The following INPP4B variants were observed in gnomAD, a reference collection of about 807,000 sequenced individuals.
INPP4B encodes inositol polyphosphate 4-phosphatase type II.
Under a neutral mutation model 122.5 loss-of-function variants are expected in INPP4B, and 55 were observed. That is an observed-to-expected ratio of 0.45 (90% CI 0.36 to 0.56). The LOEUF (loss-of-function observed/expected upper bound fraction) is 0.56. Ranked by LOEUF, INPP4B falls within the 20% of genes least tolerant of loss-of-function variation. The probability of loss-of-function intolerance (pLI) is 0.00; values close to 1 mark genes in which losing one functional copy is unlikely to be tolerated. For missense variants in INPP4B, 1,000 were observed against 1,097.7 expected, an observed-to-expected ratio of 0.91 and a Z score of 1.26; for synonymous variants, 403 against 388.7, an observed-to-expected ratio of 1.04 and a Z score of -0.43.
chr4:142,656,561 T>C lies in INPP4B; in HGVS notation c.-191+69278A>G, dbSNP rs139027337. 5.3e-4 allele frequency among the ~76,000 whole-genome samples: 80 copies of C among 152,250 alleles called. 2 individuals carry two copies. The highest frequency in any genetic ancestry group is 1.6e-3 in the African/African-American group (67 of 41,576). ...CCTGCTTTGCTGGGGCTAGGATGCA[T>C]GGCCTAAGGATCCCGCACAGCTGGC... On this transcript the variant is annotated intron_variant, in intron 2 of 25. Transcript: ENST00000262992.
intron 1 of INPP4B, among the ~76,000 whole-genome samples, chr4:142,843,127 T>A (rs1783764349): frequency 6.7e-6 from 1 of 149,822 alleles, no homozygotes; most frequent in African/African-American, 2.5e-5. Context: ...TATCTTAATG[T>A]CTTTTCTAGG....
At chr4:142,351,217 A>C (rs1781828249) in intron 7 of INPP4B, among the ~76,000 whole-genome samples, 1 of 151,964 alleles carries the variant, frequency 6.6e-6, no homozygotes, top group Non-Finnish European at 1.5e-5. Flanking sequence ...CATTAGTGGG[A>C]TAAATTTCAG....
chr4:142,593,277 A>C (rs1723254745), intron 2 of INPP4B, among the ~76,000 whole-genome samples: 1 of 152,052 alleles, frequency 6.6e-6, no homozygotes, highest in Admixed American at 6.6e-5. Context: ...GGAGATTAGA[A>C]GGGATTATTT....
At chr4:142,242,933 T>C (rs1442877828) in intron 11 of INPP4B, among the ~76,000 whole-genome samples, 1 of 152,142 alleles carries the variant, frequency 6.6e-6, no homozygotes, top group Admixed American at 6.5e-5. Flanking sequence ...CTTTTTTTCC[T>C]CCTGCACTTA....
chr4:142,073,530 G>A (rs1768771168), intron 25 of INPP4B, among the ~76,000 whole-genome samples: 1 of 152,034 alleles, frequency 6.6e-6, no homozygotes. Context: ...TTATGACAGT[G>A]TTTACCTGAG....
At chr4:142,653,336 C>G (rs1284811971) in intron 2 of INPP4B, among the ~76,000 whole-genome samples, 1 of 152,150 alleles carries the variant, frequency 6.6e-6, no homozygotes, top group African/African-American at 2.4e-5. Context: ...GACTAAGACA[C>G]CAAAAGCAAT....
intron 2 of INPP4B, among the ~76,000 whole-genome samples, chr4:142,512,833 TA>T (rs1277023885): frequency 1.3e-5 from 2 of 152,152 alleles, no homozygotes; most frequent in Non-Finnish European, 2.9e-5. Context: ...ATTTTCCTTG[TA>T]AAAGTAATTT....
chr4:142,721,212 G>C (rs13108947), intron 2 of INPP4B, among the ~76,000 whole-genome samples: 1 of 151,812 alleles, frequency 6.6e-6, no homozygotes, highest in Admixed American at 6.6e-5. Flanking sequence ...ATTCCCAAAG[G>C]CTTCTCCCCA....
intron 2 of INPP4B, among the ~76,000 whole-genome samples, chr4:142,619,763 T>A (rs1372663257): frequency 6.6e-6 from 1 of 151,974 alleles, no homozygotes; most frequent in Non-Finnish European, 1.5e-5. Flanking sequence ...TCATGTTAAG[T>A]GTTATTACCA....
chr4:142,085,787 T>C (rs1405818405), intron 24 of INPP4B, among the ~76,000 whole-genome samples: 2 of 152,234 alleles, frequency 1.3e-5, no homozygotes, highest in Non-Finnish European at 2.9e-5. Context: ...AACCACATTC[T>C]GTTGAAACCA....
chr4:142,039,170 G>A (rs879426235), intron 25 of INPP4B, among the ~76,000 whole-genome samples: 9 of 152,060 alleles, frequency 5.9e-5, no homozygotes, highest in Non-Finnish European at 8.8e-5. Flanking sequence ...CTCCAGAGAT[G>A]CATATTTTTT....
At chr4:142,649,994 C>T (rs536365802) in intron 2 of INPP4B, among the ~76,000 whole-genome samples, 1 of 152,180 alleles carries the variant, frequency 6.6e-6, no homozygotes, top group Non-Finnish European at 1.5e-5. Flanking sequence ...CAAAGGGAAG[C>T]CCATCAGACA....
intron 2 of INPP4B, among the ~76,000 whole-genome samples, chr4:142,545,489 A>G (rs1829439961): frequency 6.6e-6 from 1 of 152,082 alleles, no homozygotes; most frequent in African/African-American, 2.4e-5. Flanking sequence ...TATCTATGAT[A>G]ACCAAAGAGA....
At chr4:142,319,094 G>C (rs993633699) in intron 7 of INPP4B, among the ~76,000 whole-genome samples, 1 of 152,160 alleles carries the variant, frequency 6.6e-6, no homozygotes, top group African/African-American at 2.4e-5. Context: ...GTCTGTTGGA[G>C]ATCCAGACCC....
intron 3 of INPP4B, among the ~76,000 whole-genome samples, chr4:142,458,942 C>T (rs963597126): frequency 2.6e-5 from 4 of 152,182 alleles, no homozygotes; most frequent in Non-Finnish European, 5.9e-5. Context: ...ACCTAGCTCA[C>T]TGTGCTGCAG....
intron 7 of INPP4B, among the ~76,000 whole-genome samples, chr4:142,373,767 TAA>T (rs1790792913): frequency 6.6e-6 from 1 of 151,988 alleles, no homozygotes; most frequent in Non-Finnish European, 1.5e-5. Flanking sequence ...TTAATATAAA[TAA>T]AGAGTCATTT....
At chr4:142,063,266 T>C (rs1316813862) in intron 25 of INPP4B, among the ~76,000 whole-genome samples, 1 of 152,170 alleles carries the variant, frequency 6.6e-6, no homozygotes, top group Non-Finnish European at 1.5e-5. Context: ...CCTACCTTTG[T>C]AGGGAAAAGA....
intron 2 of INPP4B, among the ~76,000 whole-genome samples, chr4:142,468,805 C>T (rs565724278): frequency 6.6e-6 from 1 of 152,234 alleles, no homozygotes; most frequent in South Asian, 2.1e-4. Flanking sequence ...AAATAAACCT[C>T]TTTTCTTTAT....
At chr4:142,580,385 AAC>A (rs1371232817) in intron 2 of INPP4B, among the ~76,000 whole-genome samples, 2 of 152,006 alleles carry the variant, frequency 1.3e-5, no homozygotes, top group African/African-American at 4.8e-5. Context: ...GAAACAACCC[AAC>A]ACACAATTTT....
Sources: gnomAD v4.1 joint callset for allele counts (sites outside exome capture counted in the v4.1 genomes callset) on GRCh38, gnomAD v4.1.1 for gene constraint, MANE v1.5 for transcripts, NCBI Gene and HGNC (gene_info 2026-07-23, HGNC 2026-07-21) for gene names.